Variants in PROM1 observed in about 807,000 individuals in gnomAD.
PROM1 encodes the protein prominin 1, also known as prominin-1.
In PROM1, 105 loss-of-function variants were observed where a neutral mutation model predicts 116.9. The observed-to-expected ratio is 0.90, with a 90% CI of 0.77 to 1.06. The LOEUF (loss-of-function observed/expected upper bound fraction) is 1.06, where lower values mean the gene tolerates loss of function less well. Among genes scored for constraint, PROM1 ranks in the 50% least tolerant of loss-of-function variants. The pLI is 0.00. For missense variants in PROM1, 1,122 were observed against 1,045.2 expected (o/e 1.07, Z -1.01); for synonymous variants, 393 against 387.0 (o/e 1.02, Z -0.18).
At chr4:15,972,864 G>T (rs1714957644) in intron 26 of PROM1, among the ~76,000 whole-genome samples, 1 of 152,174 alleles carries the variant, frequency 6.6e-6, no homozygotes, top group Non-Finnish European at 1.5e-5. Flanking sequence ...TAAACCTCCA[G>T]ATTTCAATCA....
At chr4:16,045,313 C>T (rs1222868186) in intron 2 of PROM1, among the ~76,000 whole-genome samples, 1 of 152,144 alleles carries the variant, frequency 6.6e-6, no homozygotes, top group African/African-American at 2.4e-5. Context: ...CATGTTTGCC[C>T]TCTTTATTCT....
chr4:15,992,373 T>C lies in PROM1; in HGVS notation c.1786A>G (p.Ser596Gly). Residue 596 changes from serine to glycine, a missense_variant, in exon 17 of 28, where the codon AGT (serine) becomes GGT (glycine). Physicochemically the swap from Ser to Gly is moderately conservative, Grantham distance 56. Coordinates refer to ENST00000447510, the MANE Select transcript of PROM1 (RefSeq NM_006017.3). The part of the protein sequence containing the change: ...NINEHTGSIS[S>G]ELESLKVNLN... ...TTTACCTTCAGACTTTCCAATTCAC[T>C]GCTTATGCTTCCAGTATGCTGCGAA... The C allele has an allele frequency of 3.7e-6, 6 of 1,613,712 alleles. No individual in the cohort carries two copies. Among genetic ancestry groups the C allele is most frequent in the Non-Finnish European group, 4.2e-6 (5 of 1,179,726 alleles).
At chr4:16,064,531 C>T (rs80064675) in intron 2 of PROM1, among the ~76,000 whole-genome samples, 2,683 of 152,128 alleles carry the variant, frequency 0.018, 86 homozygotes, top group African/African-American at 0.061. Flanking sequence ...TACACGGATG[C>T]GATTTGTGAA....
At chr4:16,005,032 G>A (rs538285384) in intron 13 of PROM1, among the ~76,000 whole-genome samples, 10 of 144,742 alleles carry the variant, frequency 6.9e-5, no homozygotes, top group Non-Finnish European at 1.3e-4. Context: ...GCACGATCTC[G>A]GCTCACTGTA....
At chr4:16,079,656 C>T (rs1215572581) in intron 1 of PROM1, among the ~76,000 whole-genome samples, 2 of 152,042 alleles carry the variant, frequency 1.3e-5, no homozygotes, top group African/African-American at 4.8e-5. Flanking sequence ...ATTAATGGAC[C>T]TAATTTCTGG....
At chr4:15,980,870 C>T (rs1194266349) in intron 23 of PROM1, among the ~76,000 whole-genome samples, 1 of 152,104 alleles carries the variant, frequency 6.6e-6, no homozygotes, top group Non-Finnish European at 1.5e-5. Context: ...CAAACAGATT[C>T]CCTTTGTTGC....
intron 26 of PROM1, chr4:15,971,990 CTT>C (rs1323172533): frequency 6.6e-6 from 1 of 152,248 alleles, no homozygotes; most frequent in Non-Finnish European, 1.5e-5. Context: ...GGCTCAATCT[CTT>C]GTTACTGTCC....
At chr4:15,980,320 A>T in intron 24 of PROM1, 102 bp downstream of exon 24, 2 of 803,010 alleles carry the variant, frequency 2.5e-6, no homozygotes, top group Non-Finnish European at 4.0e-6. Context: ...AAAAAAAAAA[A>T]GAAATCAACT....
chr4:16,049,599 T>C (rs934216193), intron 2 of PROM1, among the ~76,000 whole-genome samples: 1 of 152,138 alleles, frequency 6.6e-6, no homozygotes, highest in Admixed American at 6.6e-5. Context: ...TATTCTTATG[T>C]AGGATATGTG....
chr4:16,001,233 G>T (rs569691122), intron 13 of PROM1, among the ~76,000 whole-genome samples: 1 of 152,282 alleles, frequency 6.6e-6, no homozygotes, highest in African/African-American at 2.4e-5. Context: ...GTAGAGGCAA[G>T]GAAGGGCTCC....
intron 2 of PROM1, among the ~76,000 whole-genome samples, chr4:16,060,644 C>A (rs1740106362): frequency 6.6e-6 from 1 of 152,046 alleles, no homozygotes. Context: ...TAAAACAGAG[C>A]CTGACACTCA....
chr4:15,979,122 A>G (rs1180702851), intron 26 of PROM1, among the ~76,000 whole-genome samples: 2 of 152,252 alleles, frequency 1.3e-5, no homozygotes, highest in African/African-American at 4.8e-5. Flanking sequence ...GTATGCATGC[A>G]TTTAATCTGT....
intron 1 of PROM1, among the ~76,000 whole-genome samples, chr4:16,077,549 T>C (rs1050881895): frequency 2.0e-5 from 3 of 152,142 alleles, no homozygotes; most frequent in African/African-American, 7.2e-5. Flanking sequence ...CTATACTTTG[T>C]CTCTGTGTCT....
intron 2 of PROM1, among the ~76,000 whole-genome samples, chr4:16,050,090 G>T (rs966483107): frequency 1.1e-4 from 16 of 151,948 alleles, no homozygotes; most frequent in Non-Finnish European, 1.3e-4. Flanking sequence ...GTTAAACCCC[G>T]TCTCTACTAA....
At chr4:16,043,568 C>A (rs1459733580) in intron 2 of PROM1, among the ~76,000 whole-genome samples, 2 of 152,218 alleles carry the variant, frequency 1.3e-5, no homozygotes, top group African/African-American at 2.4e-5. Flanking sequence ...GTCCTCCAAG[C>A]GCAAGGCAAG....
intron 5 of PROM1, among the ~76,000 whole-genome samples, chr4:16,027,461 C>G (rs1343604381): frequency 1.3e-5 from 2 of 152,092 alleles, no homozygotes; most frequent in African/African-American, 4.8e-5. Context: ...TCCCAGCATG[C>G]CCAGATTATT....
At chr4:15,981,821 C>A (rs1474244777) in intron 23 of PROM1, among the ~76,000 whole-genome samples, 1 of 152,092 alleles carries the variant, frequency 6.6e-6, no homozygotes, top group Non-Finnish European at 1.5e-5. Flanking sequence ...TAAATAGTTG[C>A]CAACATTTTT....
intron 2 of PROM1, among the ~76,000 whole-genome samples, chr4:16,054,189 G>C (rs1578231417): frequency 6.6e-6 from 1 of 152,272 alleles, no homozygotes; most frequent in African/African-American, 2.4e-5. Context: ...TACTTTTAAT[G>C]AAGTCACTCA....
intron 2 of PROM1, among the ~76,000 whole-genome samples, chr4:16,041,747 CAAATAAATAAAT>C (rs777799271): frequency 0.14 from 11,630 of 81,816 alleles, 681 homozygotes; most frequent in East Asian, 0.3. Context: ...GACCCTGCCT[CAAATAAATAAAT>C]AAATAAATAA....
Sources: gnomAD v4.1 joint callset for allele counts (sites outside exome capture counted in the v4.1 genomes callset) on GRCh38, gnomAD v4.1.1 for gene constraint, MANE v1.5 for transcripts, NCBI Gene and HGNC (gene_info 2026-07-23, HGNC 2026-07-21) for gene names.